Variants in PHF14 observed in about 807,000 individuals in gnomAD.
PHF14 encodes PHD finger protein 14.
A neutral mutation model predicts 117.9 loss-of-function variants in PHF14; 55 were observed. The observed-to-expected ratio is 0.47, with a 90% CI of 0.38 to 0.58. The LOEUF is 0.58. Ranked by LOEUF, PHF14 falls within the 20% of genes least tolerant of loss-of-function variation. The pLI is 0.00. For synonymous variants in PHF14, 409 were observed against 368.6 expected (o/e 1.11, Z -1.26); for missense variants, 978 against 1,122.2 (o/e 0.87, Z 1.84).
intron 2 of PHF14, among the ~76,000 whole-genome samples, chr7:10,976,095 C>T (rs970682188): frequency 2.6e-5 from 4 of 152,182 alleles, no homozygotes; most frequent in African/African-American, 7.2e-5. Context: ...CAGGCAGTAA[C>T]GGATCCAATG....
chr7:11,036,944 T>C (rs889120124), intron 9 of PHF14, 41 bp from the exon 10 acceptor site: 2 of 1,341,476 alleles, frequency 1.5e-6, no homozygotes, highest in Non-Finnish European at 2.1e-6. Context: ...TGTCAGTTTT[T>C]ACTTCCTACT....
chr7:11,027,169 A>G (rs1737341844), intron 6 of PHF14, among the ~76,000 whole-genome samples: 1 of 152,204 alleles, frequency 6.6e-6, no homozygotes, highest in Non-Finnish European at 1.5e-5. Flanking sequence ...CAGATAATCT[A>G]AACAATATGT....
chr7:11,147,642 A>G (rs1040995776), intron 17 of PHF14, among the ~76,000 whole-genome samples: 1 of 152,058 alleles, frequency 6.6e-6, no homozygotes, highest in Non-Finnish European at 1.5e-5. Flanking sequence ...CATGACTTCT[A>G]ATTTTCTTTG....
chr7:11,083,188 T>A (rs1786221171), intron 16 of PHF14, among the ~76,000 whole-genome samples: 1 of 152,130 alleles, frequency 6.6e-6, no homozygotes, highest in Admixed American at 6.5e-5. Context: ...ACTTTAACTC[T>A]CCTTTTGGTG....
In PHF14 at chr7:10,984,389, A is replaced by G. The variant is rs192912104; in HGVS notation, c.900+1230A>G. On this transcript the variant is annotated intron_variant, in intron 3 of 17. Coordinates refer to ENST00000634607, the MANE Select transcript of PHF14 (RefSeq NM_001007157.2). ...TATTGCCTGCCTTCAATGTCATTCT[A>G]ATTCTTACCTTTAAAGGAAAGTTGT... 9.2e-5 allele frequency among the ~76,000 whole-genome samples: 14 copies of G among 152,264 alleles called. No homozygotes were observed. In the East Asian group the frequency reaches 2.7e-3, roughly 29 times the overall value.
intron 17 of PHF14, among the ~76,000 whole-genome samples, chr7:11,167,063 G>C (rs1789223586): frequency 6.6e-6 from 1 of 152,110 alleles, no homozygotes; most frequent in Non-Finnish European, 1.5e-5. Context: ...TGTTCCAATA[G>C]CTTATATCCA....
intron 17 of PHF14, among the ~76,000 whole-genome samples, chr7:11,128,584 C>G (rs1263593363): frequency 1.3e-5 from 2 of 151,912 alleles, no homozygotes; most frequent in Non-Finnish European, 2.9e-5. Flanking sequence ...AAGTAAGGCG[C>G]TTTCCATTGT....
At chr7:11,035,283 C>A (rs1018397032) in intron 7 of PHF14, among the ~76,000 whole-genome samples, 1 of 152,006 alleles carries the variant, frequency 6.6e-6, no homozygotes, top group South Asian at 2.1e-4. Flanking sequence ...TAACATAAGA[C>A]GCTTGAGCAT....
At chr7:11,166,843 G>C (rs931868559) in intron 17 of PHF14, among the ~76,000 whole-genome samples, 1 of 152,092 alleles carries the variant, frequency 6.6e-6, no homozygotes, top group African/African-American at 2.4e-5. Context: ...AGAAAGGTGT[G>C]AAACAGTTAT....
chr7:11,126,934 G>A (rs939313508), intron 17 of PHF14, among the ~76,000 whole-genome samples: 7 of 151,922 alleles, frequency 4.6e-5, no homozygotes, highest in Admixed American at 1.3e-4. Flanking sequence ...CCACTCTTAC[G>A]TTTTTATTGT....
chr7:10,987,091 A>G (rs1782249378), intron 3 of PHF14, among the ~76,000 whole-genome samples: 1 of 152,210 alleles, frequency 6.6e-6, no homozygotes, highest in African/African-American at 2.4e-5. Context: ...CAAAATTTAT[A>G]AATATCCACT....
intron 14 of PHF14, 70 bp downstream of exon 14, chr7:11,051,850 C>T (rs2128326799): frequency 1.5e-6 from 2 of 1,299,492 alleles, no homozygotes; most frequent in South Asian, 1.3e-5. Context: ...GTGAGAAAGA[C>T]ACAGGGCAAA....
intron 8 of PHF14, 108 bp downstream of exon 8, chr7:11,035,894 T>A: frequency 1.2e-6 from 1 of 813,660 alleles, no homozygotes; most frequent in Non-Finnish European, 1.9e-6. Context: ...GAAGTTTGGT[T>A]AGTTACCTAG....
chr7:10,991,202 A>G (rs1011658102), intron 4 of PHF14, among the ~76,000 whole-genome samples: 1 of 151,642 alleles, frequency 6.6e-6, no homozygotes. Flanking sequence ...TATTTTTGAG[A>G]TGATGTCTCG....
rs144383257 is a variant in PHF14, at chr7:10,993,730, G to A, written c.1045+2883G>A. Among the ~76,000 whole-genome samples, 18 of 152,258 alleles carry A rather than the reference G, an allele frequency of 1.2e-4. No individual in the cohort carries two copies. In the East Asian group the frequency reaches 3.5e-3, roughly 29 times the overall value. On this transcript the variant is annotated intron_variant, in intron 4 of 17. Coordinates refer to ENST00000634607, the MANE Select transcript of PHF14 (RefSeq NM_001007157.2). Reference sequence around the variant, plus strand: ...TATTTGTAAAAATTGATAAGGGGCTGGGTACGGTGGCTCATGCCTGTAAAT... The same window carrying A: ...TATTTGTAAAAATTGATAAGGGGCTAGGTACGGTGGCTCATGCCTGTAAAT...
intron 12 of PHF14, among the ~76,000 whole-genome samples, chr7:11,041,219 T>C (rs1392550591): frequency 2.0e-5 from 3 of 152,004 alleles, no homozygotes; most frequent in Non-Finnish European, 4.4e-5. Context: ...GTTTCTACAC[T>C]TTTTTTCTCT....
chr7:11,059,463 A>G (rs903307036), intron 14 of PHF14, among the ~76,000 whole-genome samples: 9 of 152,172 alleles, frequency 5.9e-5, no homozygotes, highest in Admixed American at 4.6e-4. Flanking sequence ...ATTGGTTACT[A>G]ATTTGGAGCA....
intron 3 of PHF14, among the ~76,000 whole-genome samples, chr7:10,985,241 G>A (rs1308806542): frequency 1.3e-5 from 2 of 152,030 alleles, no homozygotes; most frequent in Admixed American, 6.5e-5. Flanking sequence ...AATCTTCCTG[G>A]TTATTTTAGC....
chr7:11,083,376 GTC>G (rs1030971019), intron 16 of PHF14, among the ~76,000 whole-genome samples: 1 of 151,144 alleles, frequency 6.6e-6, no homozygotes, highest in Non-Finnish European at 1.5e-5. Flanking sequence ...TGTGCACACC[GTC>G]TCTCTTTCTC....
Sources: allele counts gnomAD v4.1 joint callset (sites outside exome capture counted in the v4.1 genomes callset), GRCh38; gene constraint gnomAD v4.1.1; transcripts MANE v1.5; gene names NCBI Gene and HGNC (gene_info 2026-07-23, HGNC 2026-07-21).